The following IHO1 variants were observed in gnomAD, a reference collection of about 807,000 sequenced individuals.
IHO1 encodes interactor of HORMAD1 protein 1.
Under a neutral mutation model 31.0 loss-of-function variants are expected in IHO1, and 13 were observed. That is an observed-to-expected ratio of 0.42 (90% confidence interval 0.27 to 0.67). The LOEUF is 0.67. Among genes scored for constraint, IHO1 ranks in the 30% least tolerant of loss-of-function variants. The probability of loss-of-function intolerance (pLI) is 0.24; values close to 1 mark genes in which losing one functional copy is unlikely to be tolerated. For synonymous variants in IHO1, 221 were observed against 248.4 expected (o/e 0.89, Z 1.04); for missense variants, 599 against 687.5 (o/e 0.87, Z 1.44).
chr3:49,219,349 G>T (rs1016185714), intron 2 of IHO1, among the ~76,000 whole-genome samples: 2 of 152,232 alleles, frequency 1.3e-5, no homozygotes, highest in Admixed American at 1.3e-4. Flanking sequence ...TAGCATGAAT[G>T]ATTTGTGCCT....
intron 1 of IHO1, among the ~76,000 whole-genome samples, chr3:49,205,331 C>CTT (rs766264368): frequency 5.7e-5 from 8 of 139,668 alleles, no homozygotes; most frequent in Admixed American, 7.2e-5. Flanking sequence ...CCAGAGGTCA[C>CTT]TTTTTTTTTT....
chr3:49,234,196 C>T (rs1188108663), intron 2 of IHO1, among the ~76,000 whole-genome samples: 34 of 61,602 alleles, frequency 5.5e-4, no homozygotes, highest in African/African-American at 1.1e-3. Context: ...GTTTTTTTGA[C>T]GGAGTCACTC....
intron 2 of IHO1, among the ~76,000 whole-genome samples, chr3:49,213,480 T>C (rs964073501): frequency 1.3e-5 from 2 of 152,254 alleles, no homozygotes; most frequent in African/African-American, 4.8e-5. Context: ...CTTCACCTAG[T>C]GGATCCTGCA....
upstream of IHO1, among the ~76,000 whole-genome samples, chr3:49,194,626 T>G (rs2045987532): frequency 6.8e-6 from 1 of 147,866 alleles, no homozygotes; most frequent in South Asian, 2.3e-4. Context: ...CATGGCATGG[T>G]GGCTCATGCC....
chr3:49,201,456 C>G lies in IHO1; in HGVS notation c.-16+1883C>G, dbSNP rs148786480. On this transcript the variant is annotated intron_variant, in intron 1 of 7. Coordinates refer to ENST00000452691, the MANE Select transcript of IHO1 (RefSeq NM_001135197.2). ...TGGCCAACATGGTGAAACCCTGTCT[C>G]TACTAAAAATACAAAAATTAGCCAG... Among the ~76,000 whole-genome samples, 878 of 152,100 alleles carry G rather than the reference C, an allele frequency of 5.8e-3. 11 individuals are homozygous for G. The highest frequency in any genetic ancestry group is 0.02 in the African/African-American group (835 of 41,524).
At chr3:49,220,105 T>A (rs2107697728) in intron 2 of IHO1, among the ~76,000 whole-genome samples, 1 of 152,352 alleles carries the variant, frequency 6.6e-6, no homozygotes, top group East Asian at 1.9e-4. Flanking sequence ...CAGGCAGGAA[T>A]TCAGCAAGCT....
chr3:49,200,673 T>A, intron 1 of IHO1: 1 of 570,242 alleles, frequency 1.8e-6, no homozygotes, highest in Non-Finnish European at 2.2e-6. Flanking sequence ...TTGCATGCAC[T>A]CAACTTTTTC....
intron 1 of IHO1, among the ~76,000 whole-genome samples, chr3:49,201,214 C>T (rs1407916812): frequency 2.0e-5 from 3 of 151,876 alleles, no homozygotes; most frequent in East Asian, 2.0e-4. Context: ...AGGATGGTCT[C>T]GATCTCCTGA....
At chr3:49,210,600 T>C (rs2046198101) in intron 1 of IHO1, among the ~76,000 whole-genome samples, 1 of 151,856 alleles carries the variant, frequency 6.6e-6, no homozygotes, top group Admixed American at 6.6e-5. Flanking sequence ...GGTTTCTTCA[T>C]GTTGGCCAGG....
At chr3:49,229,813 C>A (rs990194658) in intron 2 of IHO1, among the ~76,000 whole-genome samples, 3 of 152,156 alleles carry the variant, frequency 2.0e-5, no homozygotes, top group Non-Finnish European at 4.4e-5. Flanking sequence ...GATGGACAAC[C>A]TGGGACTATT....
intron 1 of IHO1, 32 bp downstream of exon 1, chr3:49,199,605 T>G: frequency 7.2e-6 from 1 of 138,612 alleles, no homozygotes; most frequent in African/African-American, 2.6e-5. Flanking sequence ...GCAGGGTGGG[T>G]TGGGGAAAGG....
chr3:49,253,510 C>T (rs2046786821), intron 6 of IHO1, among the ~76,000 whole-genome samples: 2 of 152,158 alleles, frequency 1.3e-5, no homozygotes. Context: ...TGTGACCTGC[C>T]TCCCCTCAGC....
chr3:49,233,454 C>T (rs1575579327), intron 2 of IHO1, among the ~76,000 whole-genome samples: 1 of 152,158 alleles, frequency 6.6e-6, no homozygotes, highest in East Asian at 1.9e-4. Context: ...CACACCTGAC[C>T]TTAATGCCAG....
At chr3:49,204,740 C>T (rs1400739552) in intron 1 of IHO1, among the ~76,000 whole-genome samples, 1 of 152,086 alleles carries the variant, frequency 6.6e-6, no homozygotes, top group African/African-American at 2.4e-5. Context: ...AAGTAAAGAA[C>T]TGGGCCGGGC....
chr3:49,223,704 C>G (rs182058578), intron 2 of IHO1, among the ~76,000 whole-genome samples: 113 of 151,776 alleles, frequency 7.4e-4, no homozygotes, highest in African/African-American at 2.7e-3. Context: ...AAAAAAAAAG[C>G]CGGACCATTG....
At chr3:49,194,244 G>C (rs1375401274), upstream of IHO1, among the ~76,000 whole-genome samples, 1 of 135,700 alleles carries the variant, frequency 7.4e-6, no homozygotes, top group Non-Finnish European at 1.5e-5. Flanking sequence ...CTCCAGTCTA[G>C]GCAATGAGAG....
chr3:49,202,737 G>A (rs559197382), intron 1 of IHO1, among the ~76,000 whole-genome samples: 1 of 151,158 alleles, frequency 6.6e-6, no homozygotes, highest in South Asian at 2.1e-4. Context: ...GTACGATGGC[G>A]CAGTCTTGGC....
chr3:49,256,732 A>G lies in IHO1; in HGVS notation c.1235A>G (p.Gln412Arg), dbSNP rs1345733112. Residue 412 changes from glutamine to arginine, a missense_variant, in exon 8 of 8, where the codon CAA becomes CGA. Transcript: ENST00000452691. This position sits in a 1 kb window ranked among gnomAD's most constrained non-coding sequence, Gnocchi z 4.6. ...ATTAAGAATGCCTGCCAAAAATATC[A>G]AGCCCAAAGTATGTTTTTGTGTGAC... is the stretch of plus-strand genomic sequence containing the variant. Reference protein sequence around the residue: ...TSIKNACQKYQAQSMFLCDPR... With the variant: ...TSIKNACQKYRAQSMFLCDPR... The G allele has an allele frequency of 1.9e-6, 3 of 1,614,246 alleles. No individual in the cohort carries two copies. Among genetic ancestry groups the G allele is most frequent in the Admixed American group, 1.7e-5 (1 of 60,018 alleles).
At position 49,220,468 on chromosome 3, in the gene IHO1, G is replaced by A. The variant is rs191861041; in HGVS notation, c.56+8632G>A. On this transcript the variant is annotated intron_variant, in intron 2 of 7. Coordinates refer to ENST00000452691, the MANE Select transcript of IHO1 (RefSeq NM_001135197.2). ...GGTGTGTCCGGAGTTTGTTCCTTCA[G>A]ATGTTAAGATGTGTCTGGAGTTTCT... is the stretch of plus-strand genomic sequence containing the variant. Among the ~76,000 whole-genome samples, 18 of 152,318 alleles carry A rather than the reference G, an allele frequency of 1.2e-4. No individual in the cohort carries two copies. In the East Asian group the frequency reaches 2.5e-3, roughly 21 times the overall value.
Sources: gnomAD v4.1 joint callset for allele counts (sites outside exome capture counted in the v4.1 genomes callset) on GRCh38, gnomAD v4.1.1 for gene constraint, Gnocchi (gnomAD v3.1) non-coding constraint, MANE v1.5 for transcripts, NCBI Gene and HGNC (gene_info 2026-07-23, HGNC 2026-07-21) for gene names.